The following GADL1 variants were observed in gnomAD, a reference collection of about 807,000 sequenced individuals.
GADL1 encodes acidic amino acid decarboxylase GADL1.
Under a neutral mutation model 69.5 loss-of-function variants are expected in GADL1, and 71 were observed. That is an observed-to-expected ratio of 1.02 (90% confidence interval 0.84 to 1.25). The LOEUF is 1.25. GADL1 is among the 50% of genes most tolerant of loss of function. GADL1 has a pLI of 0.00. For synonymous variants in GADL1, 254 were observed against 214.4 expected (o/e 1.18, Z -1.62); for missense variants, 737 against 631.8 (o/e 1.17, Z -1.79).
chr3:30,801,527 G>A (rs1481939918), intron 11 of GADL1, among the ~76,000 whole-genome samples: 1 of 152,022 alleles, frequency 6.6e-6, no homozygotes, highest in Non-Finnish European at 1.5e-5. Context: ...ATATTCATTT[G>A]AAAAGGCTAG....
intron 12 of GADL1, among the ~76,000 whole-genome samples, chr3:30,789,733 T>A (rs1696874049): frequency 6.6e-6 from 1 of 152,206 alleles, no homozygotes. Context: ...TGCACTTTTA[T>A]GTTATGAGAC....
intron 11 of GADL1, among the ~76,000 whole-genome samples, chr3:30,806,986 G>C (rs1427195091): frequency 6.6e-6 from 1 of 152,184 alleles, no homozygotes; most frequent in African/African-American, 2.4e-5. Flanking sequence ...TTCTGCTTTT[G>C]ATTTAGTTAC....
chr3:30,892,942 C>T (rs1352975334), intron 1 of GADL1, among the ~76,000 whole-genome samples: 1 of 152,180 alleles, frequency 6.6e-6, no homozygotes, highest in Non-Finnish European at 1.5e-5. Flanking sequence ...CTGCAGGCTC[C>T]GCCTCCCAGG....
intron 12 of GADL1, among the ~76,000 whole-genome samples, chr3:30,787,411 T>C (rs984908827): frequency 2.6e-5 from 4 of 152,336 alleles, no homozygotes; most frequent in Middle Eastern, 3.4e-3. Context: ...GCTTGGCTTT[T>C]GTCTGTACCA....
chr3:30,824,849 CTG>C (rs910292661), intron 11 of GADL1, among the ~76,000 whole-genome samples: 5 of 151,934 alleles, frequency 3.3e-5, no homozygotes, highest in South Asian at 4.2e-4. Flanking sequence ...TTATTTTAAT[CTG>C]TGTGAGAATG....
At chr3:30,750,389 G>A (rs919953179) in intron 14 of GADL1, among the ~76,000 whole-genome samples, 12 of 152,182 alleles carry the variant, frequency 7.9e-5, no homozygotes, top group African/African-American at 2.7e-4. Context: ...AGCTGTAACA[G>A]CACACGGAGT....
intron 11 of GADL1, among the ~76,000 whole-genome samples, chr3:30,823,010 A>C (rs115029322): frequency 1.3e-5 from 2 of 152,026 alleles, no homozygotes; most frequent in South Asian, 4.1e-4. Context: ...AACGTGGCAC[A>C]TATCAATTCT....
chr3:30,761,172 T>C lies in GADL1; in HGVS notation c.1392+17007A>G, dbSNP rs907914391. Among the ~76,000 whole-genome samples, 9 of 152,216 alleles carry C rather than the reference T, an allele frequency of 5.9e-5. 1 individual carries two copies. ...TATGCTTTATTTACTTTAATAAAAT[T>C]CCAGCTTTCCTCTAAATCAGGCTAT... On this transcript the variant is annotated intron_variant, in intron 14 of 14. Transcript: ENST00000282538.
rs146013145 is a variant in GADL1, at chr3:30,800,913, A to C, written c.1226T>G (p.Val409Gly). The C allele has an allele frequency of 8.1e-6, 13 of 1,609,474 alleles. No individual in the cohort carries two copies. The African/African-American group carries it at 1.8e-4, about 22-fold the overall frequency. Residue 409 changes from valine to glycine, a missense_variant, in exon 12 of 15, where the codon GTT (valine) becomes GGT (glycine). Transcript: ENST00000282538. ...CCTAGATAAAGCAAGAGCACGATTA[A>C]CTCTTTCTTCAAGGCCTAATGTACC... ...ALGTLGLEERVNRALALSRYL... is the reference protein window; with the variant it reads ...ALGTLGLEERGNRALALSRYL...
intron 4 of GADL1, among the ~76,000 whole-genome samples, chr3:30,853,059 C>A (rs989633875): frequency 2.0e-5 from 3 of 152,102 alleles, no homozygotes; most frequent in Non-Finnish European, 2.9e-5. Context: ...TAGGCATGCT[C>A]TCCTCGTGGC....
chr3:30,801,235 T>C, intron 11 of GADL1, 147 bp from the exon 12 acceptor site: 1 of 634,724 alleles, frequency 1.6e-6, no homozygotes, highest in Non-Finnish European at 2.8e-6. Flanking sequence ...ACACAATCAG[T>C]GTACATTGAC....
At chr3:30,788,507 C>T (rs1280524561) in intron 12 of GADL1, among the ~76,000 whole-genome samples, 1 of 152,156 alleles carries the variant, frequency 6.6e-6, no homozygotes, top group Admixed American at 6.6e-5. Flanking sequence ...TGGTTGCTGA[C>T]TGATCAAAAG....
chr3:30,754,712 T>G (rs546437553), intron 14 of GADL1, among the ~76,000 whole-genome samples: 2 of 152,314 alleles, frequency 1.3e-5, no homozygotes, highest in East Asian at 3.9e-4. Flanking sequence ...CTAAAAGCCG[T>G]GGCTGACAGA....
chr3:30,758,095 C>T (rs1696023150), intron 14 of GADL1, among the ~76,000 whole-genome samples: 1 of 152,168 alleles, frequency 6.6e-6, no homozygotes. Flanking sequence ...TTCATAGTTT[C>T]CTGCACAGCC....
chr3:30,892,187 T>C (rs936122257), intron 1 of GADL1, among the ~76,000 whole-genome samples: 7 of 152,206 alleles, frequency 4.6e-5, no homozygotes, highest in Admixed American at 3.3e-4. Context: ...AGCAAGATCA[T>C]AAAAGATATC....
chr3:30,740,201 G>A (rs1036485622), intron 14 of GADL1, among the ~76,000 whole-genome samples: 2 of 152,192 alleles, frequency 1.3e-5, no homozygotes, highest in African/African-American at 2.4e-5. Context: ...TTCTACGTAA[G>A]AGTTTGCTTG....
intron 11 of GADL1, among the ~76,000 whole-genome samples, chr3:30,821,310 C>T (rs914939066): frequency 1.3e-5 from 2 of 151,648 alleles, no homozygotes; most frequent in Admixed American, 6.6e-5. Context: ...GCACATGTAC[C>T]CTAAAACTTA....
chr3:30,811,437 C>T (rs554593822), intron 11 of GADL1, among the ~76,000 whole-genome samples: 1 of 152,298 alleles, frequency 6.6e-6, no homozygotes, highest in South Asian at 2.1e-4. Flanking sequence ...TACAATCGGT[C>T]TTCTCTCTTA....
Position 30,826,611 on chromosome 3 carries a change from C to T in GADL1, c.1050+7242G>A, listed in dbSNP as rs147781098. Among the ~76,000 whole-genome samples the T allele has an allele frequency of 6.8e-3, 1,026 of 151,854 alleles. 11 individuals carry two copies. The highest frequency in any genetic ancestry group is 0.022 in the African/African-American group (916 of 41,448). Reference sequence around the variant, plus strand: ...GAACTCAAGGATGAAATTGGGAGACCGTTGGCCAAGATGCTGGATCCAACA... The same window carrying T: ...GAACTCAAGGATGAAATTGGGAGACTGTTGGCCAAGATGCTGGATCCAACA... On this transcript the variant is annotated intron_variant, in intron 11 of 14. Transcript: ENST00000282538.
Sources: allele counts gnomAD v4.1 joint callset (sites outside exome capture counted in the v4.1 genomes callset), GRCh38; gene constraint gnomAD v4.1.1; transcripts MANE v1.5; gene names NCBI Gene and HGNC (gene_info 2026-07-23, HGNC 2026-07-21).